Variants in DMD observed in about 807,000 individuals in gnomAD.
The protein encoded by DMD is dystrophin.
A neutral mutation model predicts 330.1 loss-of-function variants in DMD; 63 were observed. The observed-to-expected ratio is 0.19, with a 90% CI of 0.16 to 0.24. The LOEUF is 0.24. Among genes scored for constraint, DMD ranks in the 10% least tolerant of loss-of-function variants. The pLI is 1.00. For missense variants in DMD, 3,344 were observed against 2,684.1 expected (o/e 1.25, Z -5.43); for synonymous variants, 1,223 against 959.8 (o/e 1.27, Z -5.07).
At chrX:31,541,772 A>G (rs1368037202) in intron 55 of DMD, among the ~76,000 whole-genome samples, 3 of 110,584 alleles carry the variant, frequency 2.7e-5, no homozygotes, top group Non-Finnish European at 5.7e-5. Context: ...AGTCTTTGCT[A>G]CTGTAAATAG....
chrX:32,055,265 T>C (rs1288631856), intron 44 of DMD, among the ~76,000 whole-genome samples: 1 of 112,101 alleles, frequency 8.9e-6, no homozygotes, highest in African/African-American at 3.2e-5. Flanking sequence ...TAGGGTTCCA[T>C]ATTCTGGTAA....
At chrX:33,074,136 C>T (rs187017833) in intron 1 of DMD, among the ~76,000 whole-genome samples, 5 of 111,433 alleles carry the variant, frequency 4.5e-5, no homozygotes, top group African/African-American at 6.5e-5. Flanking sequence ...CAATCCCAGC[C>T]GCCATTCTTC....
At chrX:32,517,565 AAAGAAT>A (rs1199213744) in intron 18 of DMD, 1 of 125,199 alleles carries the variant, frequency 8.0e-6, no homozygotes, top group African/African-American at 3.2e-5. Context: ...TGATGACTAT[AAAGAAT>A]AACTTTTTGA....
chrX:32,461,797 T>G (rs1218688318), intron 25 of DMD, among the ~76,000 whole-genome samples: 1 of 110,156 alleles, frequency 9.1e-6, no homozygotes, highest in Non-Finnish European at 1.9e-5. Flanking sequence ...TATAATCTAT[T>G]ATTTAAGTAA....
chrX:32,520,394 A>T (rs938690809), intron 17 of DMD, among the ~76,000 whole-genome samples: 3 of 112,152 alleles, frequency 2.7e-5, no homozygotes, highest in African/African-American at 9.7e-5. Flanking sequence ...ATAATGTCTT[A>T]AAACATTTTT....
chrX:31,191,448 T>C (rs1481518410), intron 67 of DMD, among the ~76,000 whole-genome samples: 1 of 111,681 alleles, frequency 9.0e-6, no homozygotes, highest in Non-Finnish European at 1.9e-5. Flanking sequence ...TCTTGAATTA[T>C]AACTCCCACA....
At chrX:31,474,724 A>C (rs1438255882) in intron 59 of DMD, among the ~76,000 whole-genome samples, 1 of 102,159 alleles carries the variant, frequency 9.8e-6, no homozygotes, top group African/African-American at 3.6e-5. Flanking sequence ...AAATAAAATA[A>C]AATAAAATAA....
intron 62 of DMD, among the ~76,000 whole-genome samples, chrX:31,307,655 C>T (rs1157880437): frequency 9.0e-6 from 1 of 111,709 alleles, no homozygotes; most frequent in Admixed American, 9.5e-5. Context: ...GTATCAACAT[C>T]GGGCATTCAT....
At chrX:33,134,794 C>T (rs913937825) in intron 1 of DMD, among the ~76,000 whole-genome samples, 1 of 111,795 alleles carries the variant, frequency 8.9e-6, no homozygotes, top group Non-Finnish European at 1.9e-5. Flanking sequence ...GGAACAACTA[C>T]GTGGTAAGCC....
intron 60 of DMD, among the ~76,000 whole-genome samples, chrX:31,393,740 G>A (rs750689046): frequency 1.2e-4 from 13 of 111,699 alleles, no homozygotes; most frequent in African/African-American, 4.2e-4. Flanking sequence ...ATAAATGGAA[G>A]CACTACAAAA....
chrX:33,130,619 A>C (rs1049161934), intron 1 of DMD, among the ~76,000 whole-genome samples: 3 of 108,881 alleles, frequency 2.8e-5, no homozygotes, highest in Non-Finnish European at 5.7e-5. Context: ...CAATGGCGTG[A>C]TCTCGGCTCA....
chrX:31,422,719 C>A (rs1391549549), intron 60 of DMD, among the ~76,000 whole-genome samples: 1 of 112,030 alleles, frequency 8.9e-6, no homozygotes, highest in Admixed American at 9.5e-5. Flanking sequence ...TACTACCACA[C>A]TTTTCCTTTC....
In DMD at chrX:33,056,518, G is replaced by A. The variant is rs887326419; in HGVS notation, c.32-36318C>T. On this transcript the variant is annotated intron_variant, in intron 1 of 78. Coordinates refer to ENST00000357033, the MANE Select transcript of DMD (RefSeq NM_004006.3). ...TGGGACTACAGGCATGCGCCACCATGCCCGGCTAATTTTTTGTATTTTTAG... is the reference window on the plus strand; with the variant it reads ...TGGGACTACAGGCATGCGCCACCATACCCGGCTAATTTTTTGTATTTTTAG... Among the ~76,000 whole-genome samples, 5 of 109,358 alleles carry A rather than the reference G, an allele frequency of 4.6e-5. No homozygotes were observed. The South Asian group carries it at 1.6e-3, about 36-fold the overall frequency. The allele number at this position is 109,358 out of a possible 115,157, so 95.0% of individuals were successfully genotyped here.
At chrX:32,681,714 A>G (rs184520217) in intron 9 of DMD, among the ~76,000 whole-genome samples, 84 of 112,210 alleles carry the variant, frequency 7.5e-4, no homozygotes, top group Middle Eastern at 4.7e-3. Context: ...CCTAGTATAT[A>G]TTCTAGTCCT....
At chrX:33,288,007 G>A (rs2053458857) in intron 1 of DMD, among the ~76,000 whole-genome samples, 2 of 111,673 alleles carry the variant, frequency 1.8e-5, no homozygotes, top group Non-Finnish European at 1.9e-5. Flanking sequence ...GAGCCTCCTC[G>A]AGGTGAATGG....
At position 32,133,019 on chromosome X, in the gene DMD, T is replaced by C. The variant is rs1322613301; in HGVS notation, c.6438+83897A>G. Among the ~76,000 whole-genome samples the C allele has an allele frequency of 1.3e-4, 12 of 91,721 alleles. No individual in the cohort carries two copies. The South Asian group carries it at 5.7e-3, about 44-fold the overall frequency. 79.6% of individuals were successfully genotyped at this position (91,721 alleles called of 115,157 possible). ...TTTTTTTTTTTTTTTTTTTTTTTTTTTTTTTTAGATGAAGTCTCGCTCCAT... is the reference window on the plus strand; with the variant it reads ...TTTTTTTTTTTTTTTTTTTTTTTTTCTTTTTTAGATGAAGTCTCGCTCCAT... On this transcript the variant is annotated intron_variant, in intron 44 of 78. Coordinates refer to ENST00000357033, the MANE Select transcript of DMD (RefSeq NM_004006.3).
chrX:32,827,939 G>A (rs2078863202), intron 4 of DMD, among the ~76,000 whole-genome samples: 1 of 111,384 alleles, frequency 9.0e-6, no homozygotes, highest in Non-Finnish European at 1.9e-5. Flanking sequence ...TAGGTTACAG[G>A]TATAAGCCAC....
chrX:31,284,672 G>A (rs1334598003), intron 62 of DMD, among the ~76,000 whole-genome samples: 2 of 105,613 alleles, frequency 1.9e-5, no homozygotes, highest in Non-Finnish European at 3.8e-5. Flanking sequence ...CTGGCCTCAA[G>A]CAATGCTCCC....
chrX:32,424,017 G>T (rs1336989999), intron 29 of DMD, among the ~76,000 whole-genome samples: 1 of 110,577 alleles, frequency 9.0e-6, no homozygotes, highest in Non-Finnish European at 1.9e-5. Flanking sequence ...AGAGGTCTGG[G>T]CTATTGAGTT....
Sources: allele counts gnomAD v4.1 joint callset (sites outside exome capture counted in the v4.1 genomes callset), GRCh38; gene constraint gnomAD v4.1.1; transcripts MANE v1.5; gene names NCBI Gene and HGNC (gene_info 2026-07-23, HGNC 2026-07-21).